The following ZNF236 variants were observed in gnomAD, a reference collection of about 807,000 sequenced individuals.
ZNF236 encodes zinc finger protein 236.
In ZNF236, 50 loss-of-function variants were observed where a neutral mutation model predicts 191.2. The ratio of observed to expected loss-of-function variants is 0.26; its 90% CI spans 0.21 to 0.33. ZNF236 has a LOEUF of 0.33. Ranked by LOEUF, ZNF236 falls within the 10% of genes least tolerant of loss-of-function variation. The probability of loss-of-function intolerance (pLI) is 1.00; values close to 1 mark genes in which losing one functional copy is unlikely to be tolerated. For synonymous variants in ZNF236, 907 were observed against 928.8 expected, an observed-to-expected ratio of 0.98 and a Z score of 0.43; for missense variants, 1,754 against 2,374.5, an observed-to-expected ratio of 0.74 and a Z score of 5.43.
chr18:76,943,745 A>G (rs915380255), intron 26 of ZNF236, among the ~76,000 whole-genome samples: 2 of 152,258 alleles, frequency 1.3e-5, no homozygotes, highest in African/African-American at 4.8e-5. Context: ...ACTGAGAGTC[A>G]TCTGGCCCAT....
At chr18:76,917,562 T>C (rs1427635397) in intron 19 of ZNF236, among the ~76,000 whole-genome samples, 3 of 152,238 alleles carry the variant, frequency 2.0e-5, no homozygotes, top group Non-Finnish European at 4.4e-5. Flanking sequence ...TTAAATTGCG[T>C]TGTTTTGCCC....
At chr18:76,961,531 C>CATACAATGAAAA (rs1385346176) in intron 30 of ZNF236, among the ~76,000 whole-genome samples, 2 of 151,994 alleles carry the variant, frequency 1.3e-5, no homozygotes, top group Non-Finnish European at 2.9e-5. Context: ...GTGTCTTTTT[C>CATACAATGAAAA]ATACAATGAA....
chr18:76,880,038 T>TG lies in ZNF236; in HGVS notation c.985-75_985-74insG, dbSNP rs1185001384. Reference sequence around the variant, plus strand: ...CACCCTTAAGGAGGGTATTGCCTGTTTTTTTTTTTTTAATTTTCCTTTTTA... The same window carrying TG: ...CACCCTTAAGGAGGGTATTGCCTGTTGTTTTTTTTTTTAATTTTCCTTTTTA... On this transcript the variant is annotated intron_variant, in intron 7 of 30. Transcript: ENST00000320610. The surrounding 1 kb of genome is among the most constrained non-coding windows in gnomAD (Gnocchi z 5.0). 10 of 1,427,042 alleles carry TG rather than the reference T, an allele frequency of 7.0e-6. No individual in the cohort carries two copies. Among genetic ancestry groups the TG allele is most frequent in the Non-Finnish European group, 8.6e-6 (9 of 1,047,536 alleles). The allele number at this position is 1,427,042 out of a possible 1,614,324, so 88.4% of individuals were successfully genotyped here. A position where few individuals can be genotyped will look rare whatever the true frequency, so the allele number is the denominator to read the frequency against.
intron 20 of ZNF236, among the ~76,000 whole-genome samples, chr18:76,920,882 T>C (rs991256547): frequency 6.6e-6 from 1 of 152,210 alleles, no homozygotes; most frequent in African/African-American, 2.4e-5. Context: ...CAGAATGTCC[T>C]TCCTTTCTGG....
intron 26 of ZNF236, among the ~76,000 whole-genome samples, chr18:76,937,908 G>T (rs1198675829): frequency 1.3e-5 from 2 of 152,164 alleles, no homozygotes; most frequent in Non-Finnish European, 2.9e-5. Context: ...GATACATTAT[G>T]ATTAGTTATA....
intron 30 of ZNF236, among the ~76,000 whole-genome samples, chr18:76,965,082 T>G (rs1456532355): frequency 6.6e-6 from 1 of 152,198 alleles, no homozygotes; most frequent in Admixed American, 6.5e-5. Flanking sequence ...TCATATTTTC[T>G]TATTCTTTTT....
At chr18:76,845,173 T>C (rs1025717195) in intron 1 of ZNF236, among the ~76,000 whole-genome samples, 5 of 152,226 alleles carry the variant, frequency 3.3e-5, no homozygotes, top group African/African-American at 1.2e-4. Context: ...TTCTGATCAT[T>C]GTGCAATCAG....
chr18:76,927,595 G>T lies in ZNF236; in HGVS notation c.4414+78G>T. 1 of 1,503,176 alleles carries T rather than the reference G, an allele frequency of 6.7e-7. No homozygotes were observed. 93.1% of individuals were successfully genotyped at this position (1,503,176 alleles called of 1,614,324 possible). ...CTTGTGATTACATATTTGAATTTAG[G>T]ATGTTATGATGTCATTTTCTTCTCT... is the stretch of plus-strand genomic sequence containing the variant. On this transcript the variant is annotated intron_variant, in intron 24 of 30. Transcript: ENST00000320610. This position sits in a 1 kb window ranked among gnomAD's most constrained non-coding sequence, Gnocchi z 5.4.
chr18:76,884,578 C>A (rs1269194910), intron 9 of ZNF236, among the ~76,000 whole-genome samples: 1 of 152,086 alleles, frequency 6.6e-6, no homozygotes, highest in Non-Finnish European at 1.5e-5. Flanking sequence ...CTTCTTAGAT[C>A]AGAGTGTGGT....
chr18:76,831,101 T>A (rs927292885), intron 1 of ZNF236, among the ~76,000 whole-genome samples: 6 of 151,258 alleles, frequency 4.0e-5, no homozygotes, highest in Non-Finnish European at 8.8e-5. Flanking sequence ...AAGCCCATCA[T>A]TCGCATTAGG....
At chr18:76,937,373 G>A (rs1334018180) in intron 26 of ZNF236, 30 bp downstream of exon 26, 1 of 1,524,844 alleles carries the variant, frequency 6.6e-7, no homozygotes, top group Admixed American at 1.8e-5. Context: ...GGATGCGAAG[G>A]TCCTTTCAAA....
intron 26 of ZNF236, among the ~76,000 whole-genome samples, chr18:76,944,300 T>G (rs1239047823): frequency 2.6e-5 from 4 of 152,194 alleles, no homozygotes. Flanking sequence ...GAAATGCAAA[T>G]TCCTGTAATC....
At chr18:76,837,127 T>TCCCCCCCCCCCCCCCCCCCC (rs57114708) in intron 1 of ZNF236, among the ~76,000 whole-genome samples, 3 of 37,066 alleles carry the variant, frequency 8.1e-5, no homozygotes, top group African/African-American at 1.1e-4. Context: ...CCGCACCCCC[T>TCCCCCCCCCCCCCCCCCCCC]CCCCCCCCCC....
chr18:76,897,788 T>G (rs1475560165), intron 10 of ZNF236, among the ~76,000 whole-genome samples: 1 of 152,202 alleles, frequency 6.6e-6, no homozygotes, highest in Non-Finnish European at 1.5e-5. Flanking sequence ...CACACAGTAC[T>G]GCACACAGGT....
intron 26 of ZNF236, among the ~76,000 whole-genome samples, chr18:76,942,129 T>C (rs1246597249): frequency 6.6e-6 from 1 of 152,240 alleles, no homozygotes; most frequent in Admixed American, 6.5e-5. Flanking sequence ...TTAAGAGTTA[T>C]TCACTAGGGG....
chr18:76,912,079 T>G (rs1967231151), intron 16 of ZNF236, among the ~76,000 whole-genome samples, 165 bp from the exon 17 acceptor site: 1 of 152,194 alleles, frequency 6.6e-6, no homozygotes, highest in Non-Finnish European at 1.5e-5. Context: ...TAAGTGATCT[T>G]TATTATTGCT....
In ZNF236 at chr18:76,904,526, G is replaced by A; in HGVS notation, c.2036+5G>A. 6.4e-7 allele frequency: 1 copy of A among 1,570,556 alleles called. No homozygotes were observed. The highest frequency in any genetic ancestry group is 2.3e-5 in the East Asian group (1 of 42,644). On this transcript the variant is annotated splice_donor_5th_base_variant and intron_variant, in intron 12 of 30. Coordinates refer to ENST00000320610, the MANE Select transcript of ZNF236 (RefSeq NM_001306089.2). ...CCACCTTAAACAACACATCAGGTAA[G>A]GTAACGGATTCACAGATGGAAATTT... is the stretch of plus-strand genomic sequence containing the variant.
At chr18:76,938,535 TG>T (rs1327884730) in intron 26 of ZNF236, among the ~76,000 whole-genome samples, 1 of 152,200 alleles carries the variant, frequency 6.6e-6, no homozygotes, top group Non-Finnish European at 1.5e-5. Flanking sequence ...GCTGAAGAAA[TG>T]GCCTCTTCTG....
intron 26 of ZNF236, among the ~76,000 whole-genome samples, chr18:76,944,168 T>C (rs1968203883): frequency 6.6e-6 from 1 of 152,148 alleles, no homozygotes; most frequent in African/African-American, 2.4e-5. Flanking sequence ...TTACCCACCT[T>C]CCCTGTGACT....
Sources: gnomAD v4.1 joint callset for allele counts (sites outside exome capture counted in the v4.1 genomes callset) on GRCh38, gnomAD v4.1.1 for gene constraint, Gnocchi (gnomAD v3.1) non-coding constraint, MANE v1.5 for transcripts, NCBI Gene and HGNC (gene_info 2026-07-23, HGNC 2026-07-21) for gene names.